The following DPF3 variants were observed in gnomAD, a reference collection of about 807,000 sequenced individuals.
The protein encoded by DPF3 is double PHD fingers 3, also known as zinc finger protein DPF3.
DPF3 carries 18 observed loss-of-function variants against 56.8 expected under a neutral mutation model. The ratio of observed to expected loss-of-function variants is 0.32; its 90% CI spans 0.22 to 0.47. The LOEUF (loss-of-function observed/expected upper bound fraction) is 0.47. Among genes scored for constraint, DPF3 ranks in the 20% least tolerant of loss-of-function variants. The pLI, the probability that DPF3 is intolerant of heterozygous loss-of-function variation, is 1.00. For missense variants in DPF3, 403 were observed against 488.8 expected, an observed-to-expected ratio of 0.82 and a Z score of 1.65; for synonymous variants, 188 against 180.2, an observed-to-expected ratio of 1.04 and a Z score of -0.35.
chr14:72,857,085 C>T (rs1393563473), intron 1 of DPF3, among the ~76,000 whole-genome samples: 4 of 152,188 alleles, frequency 2.6e-5, no homozygotes, highest in Non-Finnish European at 5.9e-5. Context: ...ACTAAAGGGG[C>T]GACCAGGAAG....
chr14:72,652,446 C>G (rs528767687), intron 8 of DPF3, among the ~76,000 whole-genome samples: 1 of 152,302 alleles, frequency 6.6e-6, no homozygotes, highest in South Asian at 2.1e-4. Flanking sequence ...CAGCAGAGAC[C>G]AGAAGGATGG....
chr14:72,889,125 G>A (rs76117735), intron 1 of DPF3, among the ~76,000 whole-genome samples: 115 of 152,282 alleles, frequency 7.6e-4, no homozygotes, highest in Non-Finnish European at 1.1e-3. Flanking sequence ...GAGGATGAGA[G>A]GTCTCCAACT....
At chr14:72,811,402 C>T (rs1883038601) in intron 1 of DPF3, among the ~76,000 whole-genome samples, 1 of 152,178 alleles carries the variant, frequency 6.6e-6, no homozygotes, top group Non-Finnish European at 1.5e-5. Context: ...GCCAGCCAAG[C>T]CCCAGAAGCC....
intron 1 of DPF3, among the ~76,000 whole-genome samples, chr14:72,880,589 C>T (rs1886288511): frequency 6.6e-6 from 1 of 152,202 alleles, no homozygotes; most frequent in Non-Finnish European, 1.5e-5. Context: ...CACGGTCTCA[C>T]TCTGTTGCCC....
rs187865037 is a variant in DPF3, at chr14:72,848,698, G to A, written c.32+45359C>T. ...AAACTGATTTACTCAAGCTGTGCAG[G>A]TGTCCCGTATCCAGGTGACTACAAT... On this transcript the variant is annotated intron_variant, in intron 1 of 10. Coordinates refer to ENST00000556509, the MANE Select transcript of DPF3 (RefSeq NM_001280542.3). Among the ~76,000 whole-genome samples the A allele has an allele frequency of 6.6e-5, 10 of 152,288 alleles. No individual in the cohort carries two copies. The East Asian group carries it at 1.9e-3, about 29-fold the overall frequency.
intron 1 of DPF3, among the ~76,000 whole-genome samples, chr14:72,801,217 A>G (rs984840276): frequency 7.2e-5 from 11 of 152,364 alleles, no homozygotes; most frequent in African/African-American, 2.4e-4. Flanking sequence ...GGATGCAGGC[A>G]CTGGGTTTTG....
chr14:72,850,357 A>G (rs567046375), intron 1 of DPF3, among the ~76,000 whole-genome samples: 3 of 152,046 alleles, frequency 2.0e-5, no homozygotes, highest in African/African-American at 2.4e-5. Context: ...ACAGGTTTAC[A>G]TGGCCTGACT....
At chr14:72,827,369 C>G (rs2140045262) in intron 1 of DPF3, among the ~76,000 whole-genome samples, 1 of 152,012 alleles carries the variant, frequency 6.6e-6, no homozygotes, top group East Asian at 1.9e-4. Context: ...ACATTTCAAG[C>G]TGTGTTTGCT....
At chr14:72,761,530 C>T (rs1891069404) in intron 2 of DPF3, among the ~76,000 whole-genome samples, 1 of 151,884 alleles carries the variant, frequency 6.6e-6, no homozygotes. Flanking sequence ...ACTAAAAACC[C>T]TATATCAAAT....
chr14:72,668,135 A>G (rs546312908), intron 8 of DPF3, among the ~76,000 whole-genome samples: 2 of 152,104 alleles, frequency 1.3e-5, no homozygotes, highest in Non-Finnish European at 2.9e-5. Context: ...AGATAAAGAT[A>G]TCACATCCAC....
chr14:72,673,071 G>A (rs909364539), intron 8 of DPF3, among the ~76,000 whole-genome samples: 8 of 152,178 alleles, frequency 5.3e-5, no homozygotes, highest in Admixed American at 6.5e-5. Flanking sequence ...AGAGTCACAC[G>A]TTGAGGGTTG....
At chr14:72,763,751 G>C (rs1891152639) in intron 2 of DPF3, among the ~76,000 whole-genome samples, 1 of 152,050 alleles carries the variant, frequency 6.6e-6, no homozygotes, top group African/African-American at 2.4e-5. Context: ...CACCAAAATT[G>C]AAAACTTCTG....
intron 4 of DPF3, among the ~76,000 whole-genome samples, chr14:72,727,763 G>C (rs1028104972): frequency 6.6e-6 from 1 of 152,026 alleles, no homozygotes; most frequent in African/African-American, 2.4e-5. Context: ...TGTGTCCCTA[G>C]CACCCAGCAC....
chr14:72,696,980 C>T (rs918373875), intron 6 of DPF3, among the ~76,000 whole-genome samples: 3 of 152,220 alleles, frequency 2.0e-5, no homozygotes, highest in African/African-American at 4.8e-5. Context: ...GCTCCACCAA[C>T]CCTATGTCCA....
chr14:72,745,217 G>C (rs1194216313), intron 3 of DPF3, among the ~76,000 whole-genome samples: 1 of 152,174 alleles, frequency 6.6e-6, no homozygotes, highest in Non-Finnish European at 1.5e-5. Flanking sequence ...TCGTTCTTCA[G>C]CAAGTTTTGC....
intron 1 of DPF3, among the ~76,000 whole-genome samples, chr14:72,877,936 G>A (rs965309150): frequency 6.6e-6 from 1 of 152,200 alleles, no homozygotes; most frequent in Non-Finnish European, 1.5e-5. Flanking sequence ...GAACCGGACA[G>A]CCCTGTGTCA....
intron 8 of DPF3, among the ~76,000 whole-genome samples, chr14:72,639,594 G>A (rs895413534): frequency 6.6e-6 from 1 of 152,170 alleles, no homozygotes; most frequent in Non-Finnish European, 1.5e-5. Flanking sequence ...AACATATGAA[G>A]GAAGGCCTCA....
chr14:72,841,850 A>G (rs1371007911), intron 1 of DPF3, among the ~76,000 whole-genome samples: 1 of 152,158 alleles, frequency 6.6e-6, no homozygotes, highest in East Asian at 1.9e-4. Context: ...TGGGAGGCCA[A>G]GATAGGATGA....
At chr14:72,855,821 G>T (rs1248510404) in intron 1 of DPF3, among the ~76,000 whole-genome samples, 1 of 152,108 alleles carries the variant, frequency 6.6e-6, no homozygotes, top group East Asian at 1.9e-4. Context: ...TTACCATCAG[G>T]GTACTCTTAG....
Sources: gnomAD v4.1 joint callset for allele counts (sites outside exome capture counted in the v4.1 genomes callset) on GRCh38, gnomAD v4.1.1 for gene constraint, MANE v1.5 for transcripts, NCBI Gene and HGNC (gene_info 2026-07-23, HGNC 2026-07-21) for gene names.